Variants in CDH13 observed in about 807,000 individuals in gnomAD.
CDH13 encodes the protein cadherin 13, also known as cadherin-13.
Under a neutral mutation model 63.8 loss-of-function variants are expected in CDH13, and 24 were observed. The observed-to-expected ratio is 0.38, with a 90% CI of 0.27 to 0.53. The LOEUF (loss-of-function observed/expected upper bound fraction) is 0.53. CDH13 is among the 20% of genes least tolerant of loss of function. CDH13 has a pLI of 0.85. For missense variants in CDH13, 1,049 were observed against 903.1 expected (o/e 1.16, Z -2.07); for synonymous variants, 503 against 355.3 (o/e 1.42, Z -4.67).
chr16:83,312,192 T>G (rs1043857890), intron 5 of CDH13, among the ~76,000 whole-genome samples: 1 of 152,152 alleles, frequency 6.6e-6, no homozygotes, highest in African/African-American at 2.4e-5. Context: ...CTCCCTGGTC[T>G]GCCCAGTGCA....
chr16:83,251,821 T>G (rs1905571981), intron 5 of CDH13, among the ~76,000 whole-genome samples: 1 of 152,096 alleles, frequency 6.6e-6, no homozygotes. Flanking sequence ...CAAAGTCACC[T>G]GGCAGAGGTA....
At chr16:82,684,999 G>T (rs991562017) in intron 1 of CDH13, among the ~76,000 whole-genome samples, 4 of 150,778 alleles carry the variant, frequency 2.7e-5, no homozygotes, top group African/African-American at 9.7e-5. Context: ...TAGCCAAGGT[G>T]GGCACCACTT....
chr16:83,602,041 C>T (rs1364159037), intron 7 of CDH13, among the ~76,000 whole-genome samples: 5 of 124,674 alleles, frequency 4.0e-5, no homozygotes, highest in African/African-American at 6.1e-5. Context: ...TGCAGTGAGC[C>T]GAGATTGCGC....
intron 3 of CDH13, among the ~76,000 whole-genome samples, chr16:83,067,036 G>A (rs188777235): frequency 5.9e-5 from 9 of 152,298 alleles, no homozygotes; most frequent in Admixed American, 4.6e-4. Flanking sequence ...TATTTTCCAA[G>A]CTGCCATGGA....
intron 4 of CDH13, among the ~76,000 whole-genome samples, chr16:83,175,237 A>G (rs116378280): frequency 0.023 from 3,566 of 152,146 alleles, 123 homozygotes; most frequent in African/African-American, 0.08. Flanking sequence ...ATACCATTCT[A>G]TTTGGTTTGG....
At chr16:82,744,965 G>A (rs1349301859) in intron 1 of CDH13, among the ~76,000 whole-genome samples, 1 of 152,184 alleles carries the variant, frequency 6.6e-6, no homozygotes, top group Non-Finnish European at 1.5e-5. Flanking sequence ...TGTCTCATAG[G>A]TAGCATTGAC....
chr16:83,065,069 A>G (rs2031888411), intron 3 of CDH13, among the ~76,000 whole-genome samples: 1 of 151,872 alleles, frequency 6.6e-6, no homozygotes, highest in Non-Finnish European at 1.5e-5. Flanking sequence ...GTTTAGCTTT[A>G]TTTGATTTCC....
chr16:83,350,011 G>C (rs1224946414), intron 6 of CDH13, among the ~76,000 whole-genome samples: 1 of 152,162 alleles, frequency 6.6e-6, no homozygotes, highest in Non-Finnish European at 1.5e-5. Context: ...TCTCAGCTAA[G>C]GGGCAGGTAG....
At chr16:83,241,860 T>C (rs1361044955) in intron 5 of CDH13, among the ~76,000 whole-genome samples, 1 of 152,228 alleles carries the variant, frequency 6.6e-6, no homozygotes, top group Admixed American at 6.5e-5. Context: ...TTTGCCTAGT[T>C]TTGCTTTTGT....
chr16:82,659,334 T>C (rs1911663477), intron 1 of CDH13, among the ~76,000 whole-genome samples: 2 of 152,150 alleles, frequency 1.3e-5, no homozygotes, highest in Non-Finnish European at 2.9e-5. Flanking sequence ...TGAATAGGTA[T>C]AGGTCATAAT....
chr16:83,252,907 ACCTG>A (rs1905756517), intron 5 of CDH13, among the ~76,000 whole-genome samples: 1 of 152,008 alleles, frequency 6.6e-6, no homozygotes, highest in Non-Finnish European at 1.5e-5. Flanking sequence ...TTCAAATCCT[ACCTG>A]TGTCCTTGGA....
intron 1 of CDH13, among the ~76,000 whole-genome samples, chr16:82,667,749 C>A (rs1461102527): frequency 1.3e-5 from 2 of 152,052 alleles, no homozygotes; most frequent in Non-Finnish European, 2.9e-5. Flanking sequence ...CCCCGCCTCT[C>A]CCCTTCTGAG....
intron 1 of CDH13, among the ~76,000 whole-genome samples, chr16:82,673,335 A>C (rs756455386): frequency 3.9e-5 from 6 of 152,218 alleles, no homozygotes; most frequent in Non-Finnish European, 5.9e-5. Context: ...GTTCACACTC[A>C]GTCAAGGAAC....
At chr16:82,663,920 T>C (rs1214199003) in intron 1 of CDH13, among the ~76,000 whole-genome samples, 2 of 152,198 alleles carry the variant, frequency 1.3e-5, no homozygotes, top group Non-Finnish European at 2.9e-5. Flanking sequence ...CCTCCTACCA[T>C]GGCGCATTCT....
intron 5 of CDH13, among the ~76,000 whole-genome samples, chr16:83,287,697 T>TA (rs1342561402): frequency 6.6e-6 from 1 of 151,166 alleles, no homozygotes; most frequent in Non-Finnish European, 1.5e-5. Flanking sequence ...TATTATAATG[T>TA]AATAATAATA....
chr16:83,046,696 G>T (rs1278823377), intron 3 of CDH13, among the ~76,000 whole-genome samples: 1 of 152,130 alleles, frequency 6.6e-6, no homozygotes, highest in African/African-American at 2.4e-5. Context: ...AGAGGCAAAA[G>T]GGCTCAAAAA....
At position 83,010,602 on chromosome 16, in the gene CDH13, C is replaced by G. The variant is rs369526529; in HGVS notation, c.158-21408C>G. Among the ~76,000 whole-genome samples the G allele has an allele frequency of 6.6e-5, 10 of 152,214 alleles. No individual in the cohort carries two copies. In the East Asian group the frequency reaches 1.9e-3, roughly 29 times the overall value. On this transcript the variant is annotated intron_variant, in intron 2 of 13. Transcript: ENST00000567109. ...TTTCCACTTTGAAATTTCTGTTGCA[C>G]TTTGTAGTTGTCCAGAATATTTTCA...
chr16:82,944,405 C>T (rs1227933818), intron 2 of CDH13, among the ~76,000 whole-genome samples: 5 of 152,130 alleles, frequency 3.3e-5, no homozygotes, highest in East Asian at 1.9e-4. Flanking sequence ...CTCAACAGAA[C>T]AGAGAAGTTG....
intron 5 of CDH13, among the ~76,000 whole-genome samples, chr16:83,295,811 C>A (rs374224487): frequency 3.9e-5 from 6 of 152,072 alleles, no homozygotes; most frequent in Non-Finnish European, 8.8e-5. Context: ...AACAATCTCA[C>A]TAGGGTTATA....
Sources: allele counts gnomAD v4.1 joint callset (sites outside exome capture counted in the v4.1 genomes callset), GRCh38; gene constraint gnomAD v4.1.1; transcripts MANE v1.5; gene names NCBI Gene and HGNC (gene_info 2026-07-23, HGNC 2026-07-21).